The following KAT2B variants were observed in gnomAD, a reference collection of about 807,000 sequenced individuals.
KAT2B encodes histone acetyltransferase KAT2B.
A neutral mutation model predicts 105.9 loss-of-function variants in KAT2B; 36 were observed. The ratio of observed to expected loss-of-function variants is 0.34; its 90% CI spans 0.26 to 0.45. The LOEUF is 0.45. Ranked by LOEUF, KAT2B falls within the 20% of genes least tolerant of loss-of-function variation. KAT2B has a pLI of 1.00. For missense variants in KAT2B, 820 were observed against 1,021.6 expected (o/e 0.80, Z 2.69); for synonymous variants, 397 against 377.9 (o/e 1.05, Z -0.59).
At chr3:20,048,566 C>A (rs1034361435) in intron 1 of KAT2B, among the ~76,000 whole-genome samples, 1 of 152,150 alleles carries the variant, frequency 6.6e-6, no homozygotes, top group African/African-American at 2.4e-5. Flanking sequence ...GAAATATAAA[C>A]TTTCCTGTAA....
At chr3:20,055,921 CA>C (rs1559511976) in intron 1 of KAT2B, among the ~76,000 whole-genome samples, 1 of 152,112 alleles carries the variant, frequency 6.6e-6, no homozygotes, top group African/African-American at 2.4e-5. Context: ...TTCTTTCACT[CA>C]GTATATTTTT....
rs768979614 is a variant in KAT2B at position 20,044,878 on chromosome 3, G to C, written c.303+4098G>C. Among the ~76,000 whole-genome samples the C allele has an allele frequency of 4.9e-4, 75 of 152,186 alleles. 1 individual carries two copies. Among genetic ancestry groups the C allele is most frequent in the Admixed American group, 4.4e-3 (67 of 15,264 alleles). On this transcript the variant is annotated intron_variant, in intron 1 of 17. Transcript: ENST00000263754. ...TTGACTAAGCGAATGAACCAGAGAAGAGAAAATGGAAGAAATGATTAGCTG... is the reference window on the plus strand; with the variant it reads ...TTGACTAAGCGAATGAACCAGAGAACAGAAAATGGAAGAAATGATTAGCTG...
chr3:20,109,303 T>TAGAC (rs1699078535), intron 5 of KAT2B, among the ~76,000 whole-genome samples: 1 of 151,896 alleles, frequency 6.6e-6, no homozygotes, highest in Non-Finnish European at 1.5e-5. Flanking sequence ...GATAGATAGA[T>TAGAC]AGATAGATAG....
Position 20,040,629 on chromosome 3 carries a change from C to G in KAT2B, c.152C>G (p.Ala51Gly), listed in dbSNP as rs200723262. 5.4e-5 allele frequency: 72 copies of G among 1,344,478 alleles called. 2 individuals are homozygous for G. Among genetic ancestry groups the G allele is most frequent in the Admixed American group, 7.5e-5 (2 of 26,788 alleles). 83.3% of individuals were successfully genotyped at this position (1,344,478 alleles called of 1,614,324 possible). The change falls in exon 1 of 18, where the codon GCC becomes GGC. Residue 51 changes from alanine (A) to glycine (G), a missense_variant. Around this residue, in one of 6 missense-constraint regions of KAT2B, gnomAD observed 190 missense variants for 176.7 expected, o/e 1.08. Coordinates refer to ENST00000263754, the MANE Select transcript of KAT2B (RefSeq NM_003884.5). ...PCAAAAGGSG[A>G]CGPATAVAAA... ...GCCGCTGCCGCCGGGGGCTCGGGCG[C>G]CTGCGGTCCGGCGACGGCAGTGGCT...
At chr3:20,087,952 A>T (rs6785363) in intron 2 of KAT2B, among the ~76,000 whole-genome samples, 10,840 of 151,268 alleles carry the variant, frequency 0.072, 410 homozygotes, top group Non-Finnish European at 0.078. Flanking sequence ...TTAAAAAAAA[A>T]TTTTTTTTTG....
chr3:20,059,616 A>G (rs1698064814), intron 1 of KAT2B, among the ~76,000 whole-genome samples: 1 of 151,826 alleles, frequency 6.6e-6, no homozygotes, highest in African/African-American at 2.4e-5. Context: ...GAGGCAGGAG[A>G]ATGGCGTGAA....
chr3:20,113,117 A>G (rs1228756828), intron 6 of KAT2B, among the ~76,000 whole-genome samples: 1 of 152,184 alleles, frequency 6.6e-6, no homozygotes, highest in Non-Finnish European at 1.5e-5. Context: ...CTGTGGAGGG[A>G]GATTCTGAAG....
chr3:20,052,856 A>G (rs905547431), intron 1 of KAT2B, among the ~76,000 whole-genome samples: 1 of 152,156 alleles, frequency 6.6e-6, no homozygotes, highest in African/African-American at 2.4e-5. Flanking sequence ...GGTGCCTGTA[A>G]TCCCAGCTAT....
intron 5 of KAT2B, among the ~76,000 whole-genome samples, chr3:20,106,764 C>T (rs1292791918): frequency 1.3e-5 from 2 of 150,942 alleles, no homozygotes; most frequent in Non-Finnish European, 1.5e-5. Context: ...ATCTTTGTAT[C>T]AGAAATAATG....
chr3:20,133,280 A>G (rs916198719), intron 11 of KAT2B, among the ~76,000 whole-genome samples: 3 of 152,190 alleles, frequency 2.0e-5, no homozygotes, highest in African/African-American at 7.2e-5. Context: ...TATGCATTGC[A>G]TTACTGGAAA....
At chr3:20,044,834 A>AT (rs1300051140) in intron 1 of KAT2B, among the ~76,000 whole-genome samples, 1 of 152,184 alleles carries the variant, frequency 6.6e-6, no homozygotes, top group East Asian at 1.9e-4. Context: ...CTTTGAATAG[A>AT]TTCTTAGCCA....
chr3:20,073,020 A>G (rs1698353866), intron 2 of KAT2B, among the ~76,000 whole-genome samples: 2 of 152,016 alleles, frequency 1.3e-5, no homozygotes, highest in Admixed American at 1.3e-4. Context: ...CAAAATAATC[A>G]TTGTCAGTGA....
intron 13 of KAT2B, among the ~76,000 whole-genome samples, chr3:20,142,881 G>T (rs1699718038): frequency 7.3e-6 from 1 of 137,186 alleles, no homozygotes; most frequent in Admixed American, 7.2e-5. Context: ...GGGTATCTAT[G>T]TGCCTGTGTG....
intron 1 of KAT2B, among the ~76,000 whole-genome samples, chr3:20,067,985 T>C (rs1052515373): frequency 6.8e-6 from 1 of 147,720 alleles, no homozygotes; most frequent in African/African-American, 2.5e-5. Context: ...TTTCATTTCT[T>C]TTTTCTTTCT....
intron 17 of KAT2B, among the ~76,000 whole-genome samples, chr3:20,151,575 T>C (rs1699870736): frequency 6.6e-6 from 1 of 152,172 alleles, no homozygotes. Context: ...CTAATCTGCA[T>C]AGAATTCCTT....
chr3:20,144,276 C>CTTT lies in KAT2B; in HGVS notation c.2005-2012_2005-2010dup, dbSNP rs761735374. On this transcript the variant is annotated intron_variant, in intron 13 of 17. Transcript: ENST00000263754. ...GATTTAAGAGATTGCCCTTGGGATT[C>CTTT]TTTTTTTTTTTTTTTTTTTTTTTTT... is the stretch of plus-strand genomic sequence containing the variant. Among the ~76,000 whole-genome samples, 258 of 89,384 alleles carry CTTT rather than the reference C, an allele frequency of 2.9e-3. 21 individuals are homozygous for CTTT. Among genetic ancestry groups the CTTT allele is most frequent in the Middle Eastern group, 8.2e-3 (1 of 122 alleles). The allele number at this position is 89,384 out of a possible 152,430, so 58.6% of individuals were successfully genotyped here. A position where few individuals can be genotyped will look rare whatever the true frequency, so the allele number is the denominator to read the frequency against.
At chr3:20,120,331 G>C (rs1414356081) in intron 8 of KAT2B, among the ~76,000 whole-genome samples, 1 of 151,984 alleles carries the variant, frequency 6.6e-6, no homozygotes, top group Non-Finnish European at 1.5e-5. Context: ...GGGTTTAAGT[G>C]ACTCTCCTGC....
At chr3:20,062,111 T>TATTA (rs1559514104) in intron 1 of KAT2B, among the ~76,000 whole-genome samples, 1 of 52,772 alleles carries the variant, frequency 1.9e-5, no homozygotes, top group East Asian at 2.0e-3. Flanking sequence ...ATAATATATA[T>TATTA]TATATAAAAC....
chr3:20,067,830 A>G (rs1401581220), intron 1 of KAT2B, among the ~76,000 whole-genome samples: 1 of 150,842 alleles, frequency 6.6e-6, no homozygotes, highest in Non-Finnish European at 1.5e-5. Flanking sequence ...GCCCACCACC[A>G]CACCTGGCTA....
Sources: allele counts gnomAD v4.1 joint callset (sites outside exome capture counted in the v4.1 genomes callset), GRCh38; gene constraint gnomAD v4.1.1; regional missense constraint gnomAD v4.1.1; transcripts MANE v1.5; gene names NCBI Gene and HGNC (gene_info 2026-07-23, HGNC 2026-07-21).